The following ABI2 variants were observed in gnomAD, a reference collection of about 807,000 sequenced individuals.
The protein encoded by ABI2 is abelson interactor 2.
ABI2 carries 25 observed loss-of-function variants against 59.2 expected under a neutral mutation model. The observed-to-expected ratio is 0.42, with a 90% CI of 0.31 to 0.59. ABI2 has a LOEUF of 0.59. Ranked by LOEUF, ABI2 falls within the 20% of genes least tolerant of loss-of-function variation. The pLI, the probability that ABI2 is intolerant of heterozygous loss-of-function variation, is 0.14. For synonymous variants in ABI2, 213 were observed against 235.5 expected (o/e 0.90, Z 0.87); for missense variants, 545 against 681.8 (o/e 0.80, Z 2.23).
rs1342621872 is a variant in ABI2, at chr2:203,428,405, T to C, written c.*1053T>C. On this transcript the variant is annotated 3_prime_UTR_variant, in exon 12 of 12. Transcript: ENST00000261018. ...TAATGTGCTCTCTGGACGTTATTAATGGCCAGTATTAGTTGCTGCTGTATT... is the reference window on the plus strand; with the variant it reads ...TAATGTGCTCTCTGGACGTTATTAACGGCCAGTATTAGTTGCTGCTGTATT... 1 of 152,622 alleles carries C rather than the reference T, an allele frequency of 6.6e-6. No homozygotes were observed. The highest frequency in any genetic ancestry group is 6.5e-5 in the Admixed American group (1 of 15,284). 9.5% of individuals were successfully genotyped at this position (152,622 alleles called of 1,614,324 possible). A position where few individuals can be genotyped will look rare whatever the true frequency, so the allele number is the denominator to read the frequency against.
At chr2:203,359,062 C>G (rs2092919665) in intron 1 of ABI2, among the ~76,000 whole-genome samples, 1 of 152,044 alleles carries the variant, frequency 6.6e-6, no homozygotes, top group African/African-American at 2.4e-5. Context: ...ATGTCATGGT[C>G]CTGTTGCTTG....
At chr2:203,396,029 T>C (rs2096967534) in intron 7 of ABI2, among the ~76,000 whole-genome samples, 2 of 152,226 alleles carry the variant, frequency 1.3e-5, no homozygotes, top group East Asian at 1.9e-4. Context: ...CACTTTGTTA[T>C]GAGTACAAGT....
chr2:203,409,993 G>T (rs975179210), intron 9 of ABI2, among the ~76,000 whole-genome samples: 3 of 152,042 alleles, frequency 2.0e-5, no homozygotes, highest in Admixed American at 2.0e-4. Flanking sequence ...TTCTCTTTGG[G>T]TATCTTTTCC....
intron 1 of ABI2, among the ~76,000 whole-genome samples, chr2:203,331,231 G>A (rs2073131170): frequency 6.6e-6 from 1 of 151,860 alleles, no homozygotes; most frequent in Non-Finnish European, 1.5e-5. Context: ...TGGTGACAGT[G>A]GATTTGTGCT....
At position 203,368,818 on chromosome 2, in the gene ABI2, AT is replaced by A. The variant is rs561463957; in HGVS notation, c.285+1788del. On this transcript the variant is annotated intron_variant, in intron 2 of 11. Coordinates refer to ENST00000261018, the MANE Select transcript of ABI2 (RefSeq NM_001375670.1). ...GGATTTTAAATGACGAAATAGATGA[AT>A]TTTTTTTTTTTTTAAGAGACAAAGT... Among the ~76,000 whole-genome samples, 642 of 143,196 alleles carry A rather than the reference AT, an allele frequency of 4.5e-3. 2 individuals are homozygous for A. Among genetic ancestry groups the A allele is most frequent in the African/African-American group, 7.2e-3 (281 of 39,256 alleles). The allele number at this position is 143,196 out of a possible 152,430, so 93.9% of individuals were successfully genotyped here.
At chr2:203,330,998 TA>T (rs1393421230) in intron 1 of ABI2, among the ~76,000 whole-genome samples, 2 of 152,228 alleles carry the variant, frequency 1.3e-5, no homozygotes, top group Non-Finnish European at 1.5e-5. Context: ...GGTGACATTT[TA>T]AAATTTAAAG....
In ABI2 at chr2:203,359,826, G is replaced by C. The variant is rs1472976097; in HGVS notation, c.118-7051G>C. ...TTAATACCATCAACATCAGTGTTAG[G>C]TTCCAACATGTACATTTTTGGGGGG... On this transcript the variant is annotated intron_variant, in intron 1 of 11. Transcript: ENST00000261018. Among the ~76,000 whole-genome samples the C allele has an allele frequency of 2.5e-5, 3 of 119,878 alleles. No individual in the cohort carries two copies. The East Asian group carries it at 6.2e-4, about 25-fold the overall frequency. 78.6% of individuals were successfully genotyped at this position (119,878 alleles called of 152,430 possible).
intron 5 of ABI2, 33 bp from the exon 6 acceptor site, chr2:203,394,667 A>C: frequency 6.3e-7 from 1 of 1,586,026 alleles, no homozygotes; most frequent in Non-Finnish European, 8.6e-7. Context: ...AAACTTGCTT[A>C]ATCATACAAT....
At position 203,367,141 on chromosome 2, in the gene ABI2, T is replaced by G. The variant is rs558177158; in HGVS notation, c.285+97T>G. The G allele has an allele frequency of 2.2e-6, 3 of 1,367,996 alleles. No individual in the cohort carries two copies. The African/African-American group carries it at 4.4e-5, about 20-fold the overall frequency. The allele number at this position is 1,367,996 out of a possible 1,614,324, so 84.7% of individuals were successfully genotyped here. A position where few individuals can be genotyped will look rare whatever the true frequency, so the allele number is the denominator to read the frequency against. ...GGCAGCTTTTATTATGTAAGTTAAC[T>G]CACATGTACGATTTGGAAAATAGCA... On this transcript the variant is annotated intron_variant, in intron 2 of 11. Transcript: ENST00000261018.
At chr2:203,400,352 G>A (rs2097173613) in intron 8 of ABI2, among the ~76,000 whole-genome samples, 1 of 151,942 alleles carries the variant, frequency 6.6e-6, no homozygotes, top group South Asian at 2.1e-4. Flanking sequence ...ACCTCCCATA[G>A]TACTGTGATT....
At chr2:203,338,947 T>TATATATATAA (rs2077966779) in intron 1 of ABI2, among the ~76,000 whole-genome samples, 2 of 29,852 alleles carry the variant, frequency 6.7e-5, no homozygotes, top group African/African-American at 4.1e-4. Flanking sequence ...TATATATATA[T>TATATATATAA]ATATATATAT....
At chr2:203,395,254 T>G (rs991480431) in intron 6 of ABI2, among the ~76,000 whole-genome samples, 5 of 152,022 alleles carry the variant, frequency 3.3e-5, no homozygotes, top group African/African-American at 1.2e-4. Flanking sequence ...TGTTTTTGTT[T>G]TATTATAAAA....
chr2:203,355,828 TCA>T (rs1559201933), intron 1 of ABI2, among the ~76,000 whole-genome samples: 4 of 43,320 alleles, frequency 9.2e-5, no homozygotes, highest in South Asian at 7.8e-4. Flanking sequence ...CAAAACTGTC[TCA>T]AAAAAAAAAA....
rs781652240 is a variant in ABI2, at chr2:203,395,673, G to A, written c.743G>A (p.Gly248Glu). Reference protein sequence around the residue: ...NRTYSSSGSSGGSHPSSRSSS... With the variant: ...NRTYSSSGSSEGSHPSSRSSS... ...TTCTTTAGCAGCAGTGGGAGTAGTG[G>A]AGGGAGCCACCCAAGTAGTCGGAGC... is the stretch of plus-strand genomic sequence containing the variant. Residue 248 changes from glycine to glutamate, a missense_variant, in exon 7 of 12, where the codon GGA (glycine) becomes GAA (glutamate). Transcript: ENST00000261018. 8 of 1,611,830 alleles carry A rather than the reference G, an allele frequency of 5.0e-6. No individual in the cohort carries two copies. The highest frequency in any genetic ancestry group is 1.7e-6 in the Non-Finnish European group (2 of 1,179,094).
At chr2:203,425,298 A>G (rs2098394984) in intron 11 of ABI2, among the ~76,000 whole-genome samples, 1 of 151,458 alleles carries the variant, frequency 6.6e-6, no homozygotes, top group South Asian at 2.1e-4. Context: ...ATCTCAGCTC[A>G]CTCAAGTGAT....
intron 2 of ABI2, among the ~76,000 whole-genome samples, chr2:203,376,769 G>T (rs2095729648): frequency 2.3e-5 from 3 of 132,772 alleles, no homozygotes; most frequent in Non-Finnish European, 3.2e-5. Flanking sequence ...ATGGTCTATG[G>T]GTTTGGGCTA....
At chr2:203,348,509 C>A (rs974921726) in intron 1 of ABI2, among the ~76,000 whole-genome samples, 1 of 152,044 alleles carries the variant, frequency 6.6e-6, no homozygotes, top group East Asian at 1.9e-4. Context: ...TGTTATATGT[C>A]GACAAGATAA....
At chr2:203,338,908 C>CTGTGTG (rs148766477) in intron 1 of ABI2, among the ~76,000 whole-genome samples, 12 of 64,030 alleles carry the variant, frequency 1.9e-4, no homozygotes, top group East Asian at 1.6e-3. Flanking sequence ...GGGTTTATAT[C>CTGTGTG]TGTGTGTGTG....
At chr2:203,357,883 C>G (rs1350062005) in intron 1 of ABI2, among the ~76,000 whole-genome samples, 1 of 152,082 alleles carries the variant, frequency 6.6e-6, no homozygotes, top group African/African-American at 2.4e-5. Flanking sequence ...ATTCTCCTGC[C>G]TCAGCCTCCC....
Sources: gnomAD v4.1 joint callset for allele counts (sites outside exome capture counted in the v4.1 genomes callset) on GRCh38, gnomAD v4.1.1 for gene constraint, MANE v1.5 for transcripts, NCBI Gene and HGNC (gene_info 2026-07-23, HGNC 2026-07-21) for gene names.